The following ADGRV1 variants were observed in gnomAD, a reference collection of about 807,000 sequenced individuals.
ADGRV1 encodes adhesion G protein-coupled receptor V1.
In ADGRV1, 359 loss-of-function variants were observed where a neutral mutation model predicts 596.2. The ratio of observed to expected loss-of-function variants is 0.60; its 90% CI spans 0.55 to 0.66. ADGRV1 has a LOEUF of 0.66. Ranked by LOEUF, ADGRV1 falls within the 30% of genes least tolerant of loss-of-function variation. The pLI, the probability that ADGRV1 is intolerant of heterozygous loss-of-function variation, is 0.00. For synonymous variants in ADGRV1, 2,681 were observed against 2,679.2 expected (o/e 1.00, Z -0.02); for missense variants, 7,274 against 7,575.6 (o/e 0.96, Z 1.48).
At chr5:90,810,194 T>C in intron 73 of ADGRV1, 39 bp from the exon 74 acceptor site, 1 of 1,476,550 alleles carries the variant, frequency 6.8e-7, no homozygotes, top group South Asian at 1.4e-5. Flanking sequence ...TCCTATTTTT[T>C]AAAAAATCAA....
chr5:91,130,632 A>G (rs1440398718), intron 87 of ADGRV1, among the ~76,000 whole-genome samples: 1 of 151,512 alleles, frequency 6.6e-6, no homozygotes, highest in Non-Finnish European at 1.5e-5. Context: ...GACTCTTTTC[A>G]TTTTTTAAAT....
In ADGRV1 at chr5:90,711,076, A is replaced by G. The variant is rs753454946; in HGVS notation, c.8903+17A>G. 18 of 1,594,444 alleles carry G rather than the reference A, an allele frequency of 1.1e-5. No individual in the cohort carries two copies. Among genetic ancestry groups the G allele is most frequent in the Non-Finnish European group, 1.4e-5 (16 of 1,166,950 alleles). On this transcript the variant is annotated intron_variant, in intron 40 of 89. Transcript: ENST00000405460. Reference sequence around the variant, plus strand: ...ACAAAGCAGGTAAGGCCAAGGCTGCATGAGAGCCCTCTTCTGGGTTTCATA... The same window carrying G: ...ACAAAGCAGGTAAGGCCAAGGCTGCGTGAGAGCCCTCTTCTGGGTTTCATA...
Position 90,558,849 on chromosome 5 carries a change from G to A in ADGRV1, c.-47G>A, listed in dbSNP as rs116110048. Reference sequence around the variant, plus strand: ...GGAGTACGGACGGGAGTCAGAGGCAGAGCGAGGGTGTGTGGAGGGCCGGCG... The same window carrying A: ...GGAGTACGGACGGGAGTCAGAGGCAAAGCGAGGGTGTGTGGAGGGCCGGCG... On this transcript the variant is annotated 5_prime_UTR_variant, in exon 1 of 90. Transcript: ENST00000405460. 5 of 1,555,432 alleles carry A rather than the reference G, an allele frequency of 3.2e-6. No individual in the cohort carries two copies. Among genetic ancestry groups the A allele is most frequent in the Non-Finnish European group, 4.4e-6 (5 of 1,147,678 alleles).
chr5:91,047,077 C>G (rs1785892989), intron 85 of ADGRV1, among the ~76,000 whole-genome samples: 2 of 152,216 alleles, frequency 1.3e-5, no homozygotes, highest in South Asian at 2.1e-4. Context: ...GGAATGTAAA[C>G]TAGTACAACC....
At chr5:91,054,091 G>GTC (rs1786600620) in intron 85 of ADGRV1, among the ~76,000 whole-genome samples, 4 of 129,890 alleles carry the variant, frequency 3.1e-5, no homozygotes, top group East Asian at 4.3e-4. Flanking sequence ...GTGTGTGTGT[G>GTC]TGTGTGTGTG....
chr5:91,097,319 C>T (rs1010475488), intron 86 of ADGRV1, among the ~76,000 whole-genome samples: 4 of 152,228 alleles, frequency 2.6e-5, no homozygotes, highest in South Asian at 4.1e-4. Context: ...GCTCTACTCT[C>T]ACAACCTAAT....
intron 88 of ADGRV1, among the ~76,000 whole-genome samples, chr5:91,151,871 T>G (rs1796091958): frequency 6.6e-6 from 1 of 152,244 alleles, no homozygotes; most frequent in African/African-American, 2.4e-5. Context: ...ATGTTCAACT[T>G]CCTAGTGAAA....
At chr5:90,595,206 G>A (rs1480742290) in intron 1 of ADGRV1, among the ~76,000 whole-genome samples, 5 of 54,726 alleles carry the variant, frequency 9.1e-5, no homozygotes, top group Admixed American at 3.9e-4. Flanking sequence ...CTGGCCGGGC[G>A]GGGGGCTGAC....
intron 83 of ADGRV1, among the ~76,000 whole-genome samples, chr5:90,916,093 G>A (rs961824169): frequency 6.6e-6 from 1 of 152,026 alleles, no homozygotes; most frequent in African/African-American, 2.4e-5. Flanking sequence ...GGGATATTTG[G>A]ATGCAAGATG....
intron 89 of ADGRV1, among the ~76,000 whole-genome samples, chr5:91,161,624 T>C (rs939733249): frequency 4.0e-5 from 6 of 151,286 alleles, no homozygotes; most frequent in African/African-American, 1.5e-4. Context: ...TCACTGGCAA[T>C]ATTCTGGTTC....
At chr5:91,077,151 C>A (rs1475864276) in intron 86 of ADGRV1, among the ~76,000 whole-genome samples, 1 of 152,056 alleles carries the variant, frequency 6.6e-6, no homozygotes, top group Non-Finnish European at 1.5e-5. Flanking sequence ...TAACGTATAA[C>A]AAAAGAATGT....
At chr5:90,561,211 G>C (rs1754790955) in intron 1 of ADGRV1, among the ~76,000 whole-genome samples, 1 of 152,120 alleles carries the variant, frequency 6.6e-6, no homozygotes, top group Non-Finnish European at 1.5e-5. Flanking sequence ...TTTTATCTTA[G>C]ATTAAATGTG....
chr5:91,103,024 T>G (rs1315733261), intron 87 of ADGRV1, among the ~76,000 whole-genome samples: 1 of 152,180 alleles, frequency 6.6e-6, no homozygotes, highest in African/African-American at 2.4e-5. Context: ...TTTCTTAAAT[T>G]TATTAAATTA....
intron 1 of ADGRV1, among the ~76,000 whole-genome samples, chr5:90,566,488 A>G (rs1257722014): frequency 1.3e-5 from 2 of 151,564 alleles, no homozygotes; most frequent in African/African-American, 2.4e-5. Flanking sequence ...TCTGGACTCA[A>G]CTCTATTTTG....
At chr5:90,917,297 A>G (rs1476851641) in intron 83 of ADGRV1, among the ~76,000 whole-genome samples, 4 of 151,278 alleles carry the variant, frequency 2.6e-5, no homozygotes, top group Non-Finnish European at 4.4e-5. Context: ...AAATGGAGCC[A>G]TTGGTAGTTC....
At chr5:90,587,626 C>G (rs548586578) in intron 1 of ADGRV1, among the ~76,000 whole-genome samples, 1 of 148,106 alleles carries the variant, frequency 6.8e-6, no homozygotes, top group Non-Finnish European at 1.5e-5. Flanking sequence ...GTGCAATCTT[C>G]GCTCACTGCA....
At chr5:90,944,431 T>G (rs767624868) in intron 83 of ADGRV1, among the ~76,000 whole-genome samples, 1 of 152,170 alleles carries the variant, frequency 6.6e-6, no homozygotes, top group African/African-American at 2.4e-5. Flanking sequence ...CACATGACAT[T>G]GAAATACCAA....
At chr5:90,744,630 C>G (rs1754403054) in intron 50 of ADGRV1, among the ~76,000 whole-genome samples, 1 of 151,972 alleles carries the variant, frequency 6.6e-6, no homozygotes, top group African/African-American at 2.4e-5. Flanking sequence ...TGTATTTATA[C>G]TGTTTATAAC....
In ADGRV1 at chr5:90,967,958, C is replaced by G. The variant is rs536931877; in HGVS notation, c.17973+2427C>G. ...TGTTTACGTTGTAATTTACAAAATT[C>G]AGACTATTTTGGGACATAGCAACCA... On this transcript the variant is annotated intron_variant, in intron 84 of 89. Coordinates refer to ENST00000405460, the MANE Select transcript of ADGRV1 (RefSeq NM_032119.4). 6.6e-5 allele frequency among the ~76,000 whole-genome samples: 10 copies of G among 152,278 alleles called. No individual in the cohort carries two copies. In the South Asian group the frequency reaches 1.0e-3, roughly 16 times the overall value.
Sources: allele counts gnomAD v4.1 joint callset (sites outside exome capture counted in the v4.1 genomes callset), GRCh38; gene constraint gnomAD v4.1.1; transcripts MANE v1.5; gene names NCBI Gene and HGNC (gene_info 2026-07-23, HGNC 2026-07-21).